GRM7: variants seen among roughly 807,000 people sequenced by gnomAD.
The protein encoded by GRM7 is metabotropic glutamate receptor 7.
In GRM7, 35 loss-of-function variants were observed where a neutral mutation model predicts 84.5. The ratio of observed to expected loss-of-function variants is 0.41; its 90% CI spans 0.32 to 0.55. The LOEUF (loss-of-function observed/expected upper bound fraction) is 0.55. Ranked by LOEUF, GRM7 falls within the 20% of genes least tolerant of loss-of-function variation. The pLI is 0.19. For synonymous variants in GRM7, 487 were observed against 455.1 expected (o/e 1.07, Z -0.89); for missense variants, 1,003 against 1,194.6 (o/e 0.84, Z 2.36).
chr3:7,383,932 A>G (rs1694686892), intron 4 of GRM7, among the ~76,000 whole-genome samples: 1 of 152,170 alleles, frequency 6.6e-6, no homozygotes, highest in East Asian at 1.9e-4. Flanking sequence ...TAAAATTCTC[A>G]CTAGGTAGAA....
intron 2 of GRM7, among the ~76,000 whole-genome samples, chr3:7,293,314 G>C (rs893895584): frequency 6.6e-6 from 1 of 152,056 alleles, no homozygotes; most frequent in African/African-American, 2.4e-5. Context: ...GCTACCATGC[G>C]CAGACAGAAA....
chr3:7,594,358 A>T (rs1695938668), intron 8 of GRM7, among the ~76,000 whole-genome samples: 1 of 152,176 alleles, frequency 6.6e-6, no homozygotes, highest in South Asian at 2.1e-4. Flanking sequence ...CACATAGGTT[A>T]TAAGAATGCC....
chr3:7,354,046 T>C (rs935898739), intron 4 of GRM7, among the ~76,000 whole-genome samples: 1 of 151,990 alleles, frequency 6.6e-6, no homozygotes, highest in Non-Finnish European at 1.5e-5. Context: ...ATTTTTAGTG[T>C]TGAGTCAGCT....
chr3:7,500,620 T>G (rs1198259940), intron 7 of GRM7, among the ~76,000 whole-genome samples: 2 of 152,254 alleles, frequency 1.3e-5, no homozygotes, highest in African/African-American at 4.8e-5. Flanking sequence ...CATGAACACT[T>G]GAAATCCAAC....
intron 1 of GRM7, among the ~76,000 whole-genome samples, chr3:7,142,148 C>A (rs1261081484): frequency 6.6e-6 from 1 of 151,332 alleles, no homozygotes; most frequent in African/African-American, 2.4e-5. Flanking sequence ...ATTCATACAG[C>A]AGAATATTAT....
intron 1 of GRM7, among the ~76,000 whole-genome samples, chr3:6,905,746 T>C (rs963791707): frequency 2.6e-5 from 4 of 152,180 alleles, no homozygotes; most frequent in Non-Finnish European, 5.9e-5. Context: ...TTTTGGTATA[T>C]GGCCTTGGTC....
At chr3:7,705,115 T>TTCTGAAGC (rs1701344765) in intron 9 of GRM7, among the ~76,000 whole-genome samples, 1 of 152,094 alleles carries the variant, frequency 6.6e-6, no homozygotes, top group Admixed American at 6.5e-5. Context: ...CTCTACACAT[T>TTCTGAAGC]TCTGAAGCCC....
chr3:7,500,808 A>G (rs1047705062), intron 7 of GRM7, among the ~76,000 whole-genome samples: 1 of 152,206 alleles, frequency 6.6e-6, no homozygotes, highest in African/African-American at 2.4e-5. Context: ...CTCTCCTGAC[A>G]TTCACCATGT....
chr3:6,909,854 A>G (rs1696706160), intron 1 of GRM7, among the ~76,000 whole-genome samples: 1 of 152,102 alleles, frequency 6.6e-6, no homozygotes, highest in South Asian at 2.1e-4. Flanking sequence ...GTAAATTTTT[A>G]TGTAAAAATT....
intron 1 of GRM7, among the ~76,000 whole-genome samples, chr3:6,870,258 T>G (rs547371681): frequency 2.0e-5 from 3 of 152,238 alleles, no homozygotes; most frequent in African/African-American, 7.2e-5. Context: ...AGTAGGGTAA[T>G]AGCGTAGATT....
rs148702370 is a variant in GRM7 at position 7,099,843 on chromosome 3, G to A, written c.520-46609G>A. Among the ~76,000 whole-genome samples, 23 of 99,792 alleles carry A rather than the reference G, an allele frequency of 2.3e-4. 3 individuals are homozygous for A. The East Asian group carries it at 2.4e-3, about 10-fold the overall frequency. The allele number at this position is 99,792 out of a possible 152,430, so 65.5% of individuals were successfully genotyped here. ...TGTGCACATACATGTATATGTACAC[G>A]CATTATACATGTGCACATATATGTA... On this transcript the variant is annotated intron_variant, in intron 1 of 9. Coordinates refer to ENST00000357716, the MANE Select transcript of GRM7 (RefSeq NM_000844.4).
chr3:6,921,697 G>A (rs990021386), intron 1 of GRM7, among the ~76,000 whole-genome samples: 1 of 152,098 alleles, frequency 6.6e-6, no homozygotes, highest in African/African-American at 2.4e-5. Context: ...CGAAATGGGT[G>A]TTGAAGGTTC....
intron 1 of GRM7, among the ~76,000 whole-genome samples, chr3:6,936,844 T>C: frequency 6.6e-6 from 1 of 152,330 alleles, no homozygotes; most frequent in South Asian, 2.1e-4. Context: ...ATTTTTATTA[T>C]TAGACATATA....
At chr3:7,690,987 G>A in intron 9 of GRM7, 1 of 350,770 alleles carries the variant, frequency 2.9e-6, no homozygotes, top group Admixed American at 4.0e-5. Flanking sequence ...TTCAAGAGAG[G>A]TGACCCTTGT....
At chr3:7,256,254 C>A (rs1314428895) in intron 2 of GRM7, among the ~76,000 whole-genome samples, 1 of 152,114 alleles carries the variant, frequency 6.6e-6, no homozygotes, top group East Asian at 1.9e-4. Flanking sequence ...TTATAGTTTC[C>A]CCTACTTGAA....
intron 8 of GRM7, among the ~76,000 whole-genome samples, chr3:7,620,882 T>G (rs991717180): frequency 1.3e-5 from 2 of 151,760 alleles, no homozygotes; most frequent in Non-Finnish European, 2.9e-5. Flanking sequence ...CAGACCCTGG[T>G]GATGGTAAAA....
intron 8 of GRM7, among the ~76,000 whole-genome samples, chr3:7,638,443 G>C (rs773501083): frequency 9.9e-5 from 15 of 152,152 alleles, no homozygotes; most frequent in Non-Finnish European, 1.9e-4. Flanking sequence ...GACTGTAAAA[G>C]ATTGCTCTAG....
At chr3:7,600,300 G>C (rs1290497895) in intron 8 of GRM7, among the ~76,000 whole-genome samples, 1 of 152,098 alleles carries the variant, frequency 6.6e-6, no homozygotes, top group African/African-American at 2.4e-5. Context: ...CTTTATCACA[G>C]AGAAATGTGG....
rs540345447 is a variant in GRM7 at position 7,231,555 on chromosome 3, C to G, written c.737-67129C>G. 2.4e-3 allele frequency among the ~76,000 whole-genome samples: 366 copies of G among 152,252 alleles called. 1 individual carries two copies. Among genetic ancestry groups the G allele is most frequent in the South Asian group, 5.4e-3 (26 of 4,824 alleles). ...AGAATGTTCTTGAACTATGTTTTGA[C>G]AGCTGTGTGAAGGAAAACCACTTGA... On this transcript the variant is annotated intron_variant, in intron 2 of 9. Transcript: ENST00000357716.
Sources: gnomAD v4.1 joint callset for allele counts (sites outside exome capture counted in the v4.1 genomes callset) on GRCh38, gnomAD v4.1.1 for gene constraint, MANE v1.5 for transcripts, NCBI Gene and HGNC (gene_info 2026-07-23, HGNC 2026-07-21) for gene names.